GPR143: variants seen among roughly 807,000 people sequenced by gnomAD.
GPR143 encodes G-protein coupled receptor 143.
In GPR143, 8 loss-of-function variants were observed where a neutral mutation model predicts 27.6. The observed-to-expected ratio is 0.29, with a 90% CI of 0.17 to 0.52. The LOEUF is 0.52. Ranked by LOEUF, GPR143 falls within the 20% of genes least tolerant of loss-of-function variation. The pLI is 0.96. For missense variants in GPR143, 303 were observed against 343.1 expected, an observed-to-expected ratio of 0.88 and a Z score of 0.92; for synonymous variants, 156 against 153.2, an observed-to-expected ratio of 1.02 and a Z score of -0.13.
chrX:9,766,909 A>T (rs531223490), upstream of GPR143, among the ~76,000 whole-genome samples: 3,371 of 56,935 alleles, frequency 0.059, 64 homozygotes, highest in African/African-American at 0.11. Flanking sequence ...TCTCTCACAC[A>T]CACACACACA....
upstream of GPR143, among the ~76,000 whole-genome samples, chrX:9,770,196 G>T (rs1189686595): frequency 8.0e-5 from 8 of 99,778 alleles, no homozygotes; most frequent in Non-Finnish European, 1.2e-4. Context: ...AAAAAGCCGG[G>T]CTCAGTGGCT....
Position 9,775,333 on chromosome X carries a change from C to T in GPR143, c.-3+10909G>A, listed in dbSNP as rs143985748. On this transcript the variant is annotated intron_variant, in intron 1 of 7. Coordinates refer to the GPR143 transcript ENST00000447366. ...CTTCAGCTGTGCAACAGGCAGATAA[C>T]GATTCTGTGAGCCAGGTGGTCTCAG... 6.6e-3 allele frequency among the ~76,000 whole-genome samples: 740 copies of T among 111,811 alleles called. 10 individuals carry two copies. The highest frequency in any genetic ancestry group is 0.022 in the African/African-American group (691 of 30,783).
rs777116393 is a variant in GPR143 at position 9,759,536 on chromosome X, G to T, written c.361-110C>A. 2.0e-3 allele frequency: 1,075 copies of T among 536,170 alleles called. 15 individuals carry two copies. The highest frequency in any genetic ancestry group is 3.2e-4 in the Non-Finnish European group (96 of 300,476). The allele number at this position is 536,170 out of a possible 1,213,427, so 44.2% of individuals were successfully genotyped here. A position where few individuals can be genotyped will look rare whatever the true frequency, so the allele number is the denominator to read the frequency against. ...TGGCTTCCTCTGACGTCAGGAAGCC[G>T]CACGTGACAGCTCTCGGGACACAAG... On this transcript the variant is annotated intron_variant, in intron 2 of 8. Transcript: ENST00000467482.
At chrX:9,754,947 C>T (rs2083467116) in intron 3 of GPR143, among the ~76,000 whole-genome samples, 1 of 112,017 alleles carries the variant, frequency 8.9e-6, no homozygotes, top group Admixed American at 9.5e-5. Flanking sequence ...GAGGGATGCT[C>T]AGAGACATGC....
Position 9,739,612 on chromosome X carries a change from T to C in GPR143, c.993A>G (p.Ser331=). 8.3e-7 allele frequency: 1 copy of C among 1,203,572 alleles called. No homozygotes were observed. The highest frequency in any genetic ancestry group is 1.1e-6 in the Non-Finnish European group (1 of 889,531). ...CCCCCTCAGCAGCCGAGGTGGTCAG[T>C]GATTCCCACTGGATCTCCTTCCTGG... ...QSPRKEIQWE[S]LTTSAAEGAH... The change falls in exon 8 of 9, where the codon TCA becomes TCG. Residue 331 remains serine, a synonymous_variant. Coordinates refer to ENST00000467482, the MANE Select transcript of GPR143 (RefSeq NM_000273.3).
At chrX:9,733,725 G>C (rs1276198089) in intron 8 of GPR143, among the ~76,000 whole-genome samples, 2 of 111,489 alleles carry the variant, frequency 1.8e-5, no homozygotes, top group Non-Finnish European at 3.8e-5. Context: ...GAGACTTGTG[G>C]GAGAGAACAA....
At chrX:9,767,116 C>T (rs2083538060), upstream of GPR143, among the ~76,000 whole-genome samples, 2 of 110,749 alleles carry the variant, frequency 1.8e-5, no homozygotes, top group South Asian at 7.6e-4. Context: ...TTGCTTTATT[C>T]TATACATGTA....
Position 9,765,687 on chromosome X carries a change from C to A in GPR143, c.131G>T (p.Gly44Val), listed in dbSNP as rs1355896487. The A allele has an allele frequency of 9.1e-7, 1 of 1,100,164 alleles. No individual in the cohort carries two copies. The highest frequency in any genetic ancestry group is 3.1e-5 in the Admixed American group (1 of 32,713). The allele number at this position is 1,100,164 out of a possible 1,213,427, so 90.7% of individuals were successfully genotyped here. The change falls in exon 1 of 9, where the codon GGC becomes GTC. Residue 44 changes from glycine to valine, a missense_variant. Transcript: ENST00000467482. Reference protein sequence around the residue: ...LGSGGLRLALGLLQLLPGRRP... With the variant: ...LGSGGLRLALVLLQLLPGRRP... Reference sequence around the variant, plus strand: ...GCGGCCGGGCAGCAGCTGCAGAAGGCCCAGCGCCAAGCGGAGCCCGCCGCT... The same window carrying A: ...GCGGCCGGGCAGCAGCTGCAGAAGGACCAGCGCCAAGCGGAGCCCGCCGCT...
chrX:9,737,618 T>C (rs977891295), intron 8 of GPR143, among the ~76,000 whole-genome samples: 22 of 111,701 alleles, frequency 2.0e-4, no homozygotes, highest in African/African-American at 5.9e-4. Context: ...ACGATGAACA[T>C]GTTCTGACTT....
chrX:9,741,410 C>G lies in GPR143; in HGVS notation c.813G>C (p.Glu271Asp). 1 of 1,160,058 alleles carries G rather than the reference C, an allele frequency of 8.6e-7. No individual in the cohort carries two copies. Among genetic ancestry groups the G allele is most frequent in the Non-Finnish European group, 1.2e-6 (1 of 848,779 alleles). The change falls in exon 7 of 9, where the codon GAG becomes GAC. Residue 271 changes from glutamate (E) to aspartate (D), a missense_variant. By Grantham distance (45) the Glu-to-Asp change is conservative. Transcript: ENST00000467482. ...IINESLLFYL[E>D]MQTDINGGSL... is the part of the protein sequence containing the mutation. ...AACCTCCATTGATATCTGTTTGCATCTCAAGATAGAATAAAAGGCTTTCAT... is the reference window on the plus strand; with the variant it reads ...AACCTCCATTGATATCTGTTTGCATGTCAAGATAGAATAAAAGGCTTTCAT...
At chrX:9,740,168 C>T (rs1056537399) in intron 7 of GPR143, among the ~76,000 whole-genome samples, 1 of 111,344 alleles carries the variant, frequency 9.0e-6, no homozygotes, top group African/African-American at 3.3e-5. Context: ...CTGTTCTCCC[C>T]AGTTTGCCAC....
intron 8 of GPR143, chrX:9,738,598 C>A: frequency 1.9e-6 from 1 of 520,449 alleles, no homozygotes; most frequent in Non-Finnish European, 2.3e-6. Context: ...GAAAGTGAAA[C>A]TTCCTTCAAT....
chrX:9,764,184 G>A (rs1436892916), intron 1 of GPR143, among the ~76,000 whole-genome samples: 1 of 110,924 alleles, frequency 9.0e-6, no homozygotes, highest in Non-Finnish European at 1.9e-5. Flanking sequence ...CCAGCTACTC[G>A]GGTAGCTGAG....
intron 8 of GPR143, among the ~76,000 whole-genome samples, chrX:9,728,200 C>A (rs1278155795): frequency 9.0e-6 from 1 of 110,945 alleles, no homozygotes; most frequent in Non-Finnish European, 1.9e-5. Context: ...CCTAATGCCC[C>A]AGACAACACC....
chrX:9,755,426 C>T (rs1440638382), intron 3 of GPR143, among the ~76,000 whole-genome samples: 1 of 107,530 alleles, frequency 9.3e-6, no homozygotes, highest in Non-Finnish European at 1.9e-5. Flanking sequence ...CTTTTTCACC[C>T]TAAGAGTGAA....
upstream of GPR143, among the ~76,000 whole-genome samples, chrX:9,767,486 G>C (rs961506000): frequency 3.6e-5 from 4 of 111,539 alleles, no homozygotes; most frequent in Admixed American, 2.9e-4. Context: ...TCTTCCTCTA[G>C]GGATAGCAGG....
chrX:9,751,721 G>T (rs1429433995), intron 3 of GPR143, among the ~76,000 whole-genome samples: 5 of 112,402 alleles, frequency 4.4e-5, no homozygotes, highest in Admixed American at 3.8e-4. Flanking sequence ...CTTGCAGATG[G>T]CACTAAAAGC....
chrX:9,725,940 G>A, intron 8 of GPR143, 100 bp from the exon 9 acceptor site: 1 of 920,796 alleles, frequency 1.1e-6, no homozygotes, highest in Non-Finnish European at 1.4e-6. Flanking sequence ...AGTTTTTCAT[G>A]GACCAACTTT....
At chrX:9,776,477 C>T (rs565423813) in intron 1 of GPR143, among the ~76,000 whole-genome samples, 1 of 109,553 alleles carries the variant, frequency 9.1e-6, no homozygotes, top group South Asian at 4.0e-4. Context: ...ACTGCAGCTC[C>T]TGGGTTCAAG....
Sources: gnomAD v4.1 joint callset for allele counts (sites outside exome capture counted in the v4.1 genomes callset) on GRCh38, gnomAD v4.1.1 for gene constraint, MANE v1.5 for transcripts, NCBI Gene and HGNC (gene_info 2026-07-23, HGNC 2026-07-21) for gene names.